PLD5: variants seen among roughly 807,000 people sequenced by gnomAD.
PLD5 encodes inactive phospholipase D5.
A neutral mutation model predicts 61.1 loss-of-function variants in PLD5; 36 were observed. The observed-to-expected ratio is 0.59, with a 90% CI of 0.45 to 0.78. The LOEUF (loss-of-function observed/expected upper bound fraction) is 0.78, where lower values mean the gene tolerates loss of function less well. Ranked by LOEUF, PLD5 falls within the 30% of genes least tolerant of loss-of-function variation. The pLI is 0.00. For missense variants in PLD5, 515 were observed against 644.4 expected, an observed-to-expected ratio of 0.80 and a Z score of 2.17; for synonymous variants, 243 against 242.8, an observed-to-expected ratio of 1.00 and a Z score of -0.01.
At chr1:242,100,519 C>A (rs114898728) in intron 9 of PLD5, 149 bp downstream of exon 9, 2 of 611,954 alleles carry the variant, frequency 3.3e-6, no homozygotes, top group Non-Finnish European at 5.9e-6. Context: ...CTGTCCTTAC[C>A]GTCCTGTTTC....
At chr1:242,184,437 T>A (rs945772284) in intron 5 of PLD5, among the ~76,000 whole-genome samples, 10 of 152,032 alleles carry the variant, frequency 6.6e-5, no homozygotes, top group African/African-American at 2.4e-4. Flanking sequence ...CAGGCTGGAG[T>A]GCAGTGGCGC....
chr1:242,205,576 C>A (rs1245547160), intron 5 of PLD5, among the ~76,000 whole-genome samples: 1 of 152,114 alleles, frequency 6.6e-6, no homozygotes, highest in Non-Finnish European at 1.5e-5. Flanking sequence ...ATTTGTTTTC[C>A]CTCATTTCAT....
chr1:242,475,147 C>G (rs1248939226), intron 1 of PLD5, among the ~76,000 whole-genome samples: 5 of 152,188 alleles, frequency 3.3e-5, no homozygotes, highest in Non-Finnish European at 1.5e-5. Flanking sequence ...CATCTTTAAG[C>G]CCAAGTAACA....
chr1:242,408,666 C>T (rs532882974), intron 1 of PLD5, among the ~76,000 whole-genome samples: 2 of 152,318 alleles, frequency 1.3e-5, no homozygotes, highest in South Asian at 4.1e-4. Flanking sequence ...TCAGGTACAG[C>T]CTGCAGAACT....
chr1:242,257,885 A>C (rs1673168751), intron 4 of PLD5, among the ~76,000 whole-genome samples: 1 of 152,212 alleles, frequency 6.6e-6, no homozygotes, highest in Non-Finnish European at 1.5e-5. Flanking sequence ...CAGTGGGAAC[A>C]AACGCCTGGG....
intron 5 of PLD5, among the ~76,000 whole-genome samples, chr1:242,162,264 A>T (rs1359838216): frequency 6.6e-6 from 1 of 152,172 alleles, no homozygotes; most frequent in African/African-American, 2.4e-5. Context: ...AGGAAGGAAC[A>T]TTTCTTTCTC....
At chr1:242,397,657 G>A (rs1200811691) in intron 1 of PLD5, among the ~76,000 whole-genome samples, 1 of 152,060 alleles carries the variant, frequency 6.6e-6, no homozygotes, top group Non-Finnish European at 1.5e-5. Flanking sequence ...TCTTTCTACA[G>A]CAATGTACTC....
chr1:242,370,425 G>A (rs1661567943), intron 1 of PLD5, among the ~76,000 whole-genome samples: 4 of 152,054 alleles, frequency 2.6e-5, no homozygotes, highest in Non-Finnish European at 5.9e-5. Flanking sequence ...AGGGGTGAGG[G>A]GAAAGAGAGA....
chr1:242,201,944 G>A (rs1182988429), intron 5 of PLD5, among the ~76,000 whole-genome samples: 1 of 151,670 alleles, frequency 6.6e-6, no homozygotes, highest in Non-Finnish European at 1.5e-5. Flanking sequence ...GCCAGGCGCA[G>A]TGGCTCACGC....
intron 4 of PLD5, among the ~76,000 whole-genome samples, chr1:242,246,198 T>C (rs1167167285): frequency 6.6e-6 from 1 of 151,650 alleles, no homozygotes; most frequent in African/African-American, 2.4e-5. Flanking sequence ...GAGACCCCCA[T>C]CTCTACCAAA....
chr1:242,482,057 G>A (rs1228718512), intron 1 of PLD5, among the ~76,000 whole-genome samples: 1 of 152,174 alleles, frequency 6.6e-6, no homozygotes, highest in Non-Finnish European at 1.5e-5. Context: ...AACCCCATCT[G>A]TATGTCACCA....
At chr1:242,517,668 T>G (rs976045829) in intron 1 of PLD5, among the ~76,000 whole-genome samples, 6 of 152,204 alleles carry the variant, frequency 3.9e-5, no homozygotes, top group Admixed American at 1.3e-4. Context: ...ATTTTTCTAT[T>G]TAATCATAAC....
intron 3 of PLD5, among the ~76,000 whole-genome samples, chr1:242,278,729 C>G (rs1674552416): frequency 6.6e-6 from 1 of 152,118 alleles, no homozygotes; most frequent in Non-Finnish European, 1.5e-5. Context: ...AGGTAGCGAC[C>G]CTTGCTTATT....
intron 4 of PLD5, among the ~76,000 whole-genome samples, chr1:242,239,064 A>G (rs535989259): frequency 6.6e-6 from 1 of 152,332 alleles, no homozygotes; most frequent in South Asian, 2.1e-4. Context: ...AATTTATAAC[A>G]TTTTGAGGAA....
chr1:242,477,951 G>A (rs1202214512), intron 1 of PLD5, among the ~76,000 whole-genome samples: 1 of 152,186 alleles, frequency 6.6e-6, no homozygotes, highest in African/African-American at 2.4e-5. Context: ...TTACATGGGT[G>A]GACGGTATCA....
At chr1:242,515,994 T>G (rs1669090265) in intron 1 of PLD5, among the ~76,000 whole-genome samples, 2 of 152,114 alleles carry the variant, frequency 1.3e-5, no homozygotes, top group Admixed American at 1.3e-4. Flanking sequence ...TTTCAGCCAT[T>G]CTTGTGTTTG....
At chr1:242,108,824 T>C (rs1661265844) in intron 7 of PLD5, among the ~76,000 whole-genome samples, 1 of 152,106 alleles carries the variant, frequency 6.6e-6, no homozygotes, top group Non-Finnish European at 1.5e-5. Flanking sequence ...AGGCCTCCTG[T>C]CCTTATTCCC....
chr1:242,427,482 A>G (rs1665495006), intron 1 of PLD5, among the ~76,000 whole-genome samples: 1 of 152,192 alleles, frequency 6.6e-6, no homozygotes, highest in Non-Finnish European at 1.5e-5. Context: ...GATTCAATTT[A>G]ATATCATGTT....
At chr1:242,446,099 G>T (rs556878626) in intron 1 of PLD5, among the ~76,000 whole-genome samples, 1 of 151,836 alleles carries the variant, frequency 6.6e-6, no homozygotes, top group Non-Finnish European at 1.5e-5. Context: ...AATTAAAAAG[G>T]TTTTAAAATT....
Sources: gnomAD v4.1 joint callset for allele counts (sites outside exome capture counted in the v4.1 genomes callset) on GRCh38, gnomAD v4.1.1 for gene constraint, MANE v1.5 for transcripts, NCBI Gene and HGNC (gene_info 2026-07-23, HGNC 2026-07-21) for gene names.